The following GALNT11 variants were observed in gnomAD, a reference collection of about 807,000 sequenced individuals.
GALNT11 encodes the protein UDP-GalNAc:polypeptide N-acetylgalactosaminyltransferase 11.
In GALNT11, 47 loss-of-function variants were observed where a neutral mutation model predicts 72.7. That is an observed-to-expected ratio of 0.65 (90% CI 0.51 to 0.82). The LOEUF is 0.82. GALNT11 is among the 40% of genes least tolerant of loss of function. GALNT11 has a pLI of 0.00. For missense variants in GALNT11, 677 were observed against 778.4 expected (o/e 0.87, Z 1.55); for synonymous variants, 270 against 286.6 (o/e 0.94, Z 0.58).
intron 1 of GALNT11, among the ~76,000 whole-genome samples, chr7:152,088,314 T>G (rs2085784245): frequency 6.6e-6 from 1 of 152,182 alleles, no homozygotes; most frequent in Non-Finnish European, 1.5e-5. Flanking sequence ...ATTTCCCTAT[T>G]TTTCCTAGTT....
intron 5 of GALNT11, among the ~76,000 whole-genome samples, chr7:152,106,054 G>GTATTTAATGTATTTAATGTATTTCGACAA (rs1169284675): frequency 5.9e-4 from 90 of 152,166 alleles, no homozygotes; most frequent in South Asian, 1.7e-3. Flanking sequence ...TCGTTTTATG[G>GTATTTAATGTATTTAATGTATTTCGACAA]TTACCTATGT....
chr7:152,038,398 G>C (rs1202385869), intron 1 of GALNT11, among the ~76,000 whole-genome samples: 1 of 152,206 alleles, frequency 6.6e-6, no homozygotes, highest in Middle Eastern at 3.2e-3. Context: ...ATGTCCTTAA[G>C]GCCCAGATCG....
chr7:152,116,209 C>T (rs1272714099), intron 8 of GALNT11, among the ~76,000 whole-genome samples: 1 of 152,172 alleles, frequency 6.6e-6, no homozygotes, highest in Non-Finnish European at 1.5e-5. Flanking sequence ...GGTGGAAGAT[C>T]CATTCAGAGA....
chr7:152,067,525 G>A (rs920720551), intron 1 of GALNT11, among the ~76,000 whole-genome samples: 9 of 152,090 alleles, frequency 5.9e-5, no homozygotes, highest in Non-Finnish European at 1.3e-4. Flanking sequence ...TCACAGCTAC[G>A]GCTATTACGA....
chr7:152,061,432 C>A (rs1232394050), intron 1 of GALNT11, among the ~76,000 whole-genome samples: 2 of 152,156 alleles, frequency 1.3e-5, no homozygotes, highest in Non-Finnish European at 2.9e-5. Flanking sequence ...GTTGCCTGTT[C>A]ACTCTGATGG....
rs562860957 is a variant in GALNT11 at position 152,051,011 on chromosome 7, C to A, written c.-39+25127C>A. ...TGGGAGAGGGGTGGTGTCAGCAATT[C>A]ACGACTTTATCCTCTTCAGTGCCTC... On this transcript the variant is annotated intron_variant, in intron 1 of 11. Transcript: ENST00000430044. 5.3e-5 allele frequency among the ~76,000 whole-genome samples: 8 copies of A among 152,254 alleles called. No individual in the cohort carries two copies. The South Asian group carries it at 1.7e-3, about 32-fold the overall frequency.
At chr7:152,045,385 T>C (rs1300022108) in intron 1 of GALNT11, among the ~76,000 whole-genome samples, 2 of 152,210 alleles carry the variant, frequency 1.3e-5, no homozygotes, top group Non-Finnish European at 2.9e-5. Context: ...AAAAGTTTGA[T>C]AAAATTCAGC....
chr7:152,047,097 C>T (rs1433240502), intron 1 of GALNT11, among the ~76,000 whole-genome samples: 1 of 152,138 alleles, frequency 6.6e-6, no homozygotes, highest in African/African-American at 2.4e-5. Context: ...TACATGTTGG[C>T]CAGGTGCAGT....
intron 1 of GALNT11, among the ~76,000 whole-genome samples, chr7:152,078,776 G>A (rs2085138654): frequency 1.3e-5 from 2 of 152,242 alleles, no homozygotes; most frequent in African/African-American, 2.4e-5. Flanking sequence ...AATAATTTAT[G>A]TGCTAGAGTT....
At chr7:152,090,933 A>G (rs1182364949) in intron 1 of GALNT11, among the ~76,000 whole-genome samples, 1 of 152,160 alleles carries the variant, frequency 6.6e-6, no homozygotes, top group Non-Finnish European at 1.5e-5. Flanking sequence ...GAATTAAATC[A>G]TAAGGGAAGT....
intron 1 of GALNT11, among the ~76,000 whole-genome samples, chr7:152,059,062 A>T (rs1463022608): frequency 6.6e-6 from 1 of 152,176 alleles, no homozygotes. Context: ...TAAAAAAATA[A>T]ATGATATTTT....
intron 1 of GALNT11, among the ~76,000 whole-genome samples, chr7:152,035,949 G>C (rs113274075): frequency 0.015 from 2,288 of 152,166 alleles, 54 homozygotes; most frequent in African/African-American, 0.052. Context: ...ATCTTCAGGG[G>C]GTGTCTTCTG....
chr7:152,041,597 T>C (rs1489903132), intron 1 of GALNT11, among the ~76,000 whole-genome samples: 6 of 152,182 alleles, frequency 3.9e-5, no homozygotes, highest in Non-Finnish European at 8.8e-5. Flanking sequence ...AATTAGCAAA[T>C]CTAGAGTCTT....
intron 1 of GALNT11, among the ~76,000 whole-genome samples, chr7:152,066,052 A>C (rs959476607): frequency 7.9e-5 from 12 of 152,206 alleles, no homozygotes; most frequent in Non-Finnish European, 2.9e-5. Context: ...GAGTCTACAG[A>C]GGCAGGCAGG....
At position 152,061,851 on chromosome 7, in the gene GALNT11, A is replaced by G. The variant is rs375103894; in HGVS notation, c.-38-32339A>G. Among the ~76,000 whole-genome samples, 36 of 152,316 alleles carry G rather than the reference A, an allele frequency of 2.4e-4. No individual in the cohort carries two copies. The East Asian group carries it at 5.2e-3, about 22-fold the overall frequency. On this transcript the variant is annotated intron_variant, in intron 1 of 11. Transcript: ENST00000430044. ...TGGTCTATATCTCTGTTTTGGTACC[A>G]GTACCATGCTGTTTTGGTTACTGTA... is the stretch of plus-strand genomic sequence containing the variant.
At chr7:152,049,879 T>G (rs1172830122) in intron 1 of GALNT11, among the ~76,000 whole-genome samples, 2 of 152,120 alleles carry the variant, frequency 1.3e-5, no homozygotes, top group South Asian at 4.1e-4. Context: ...AGTCTCCCCC[T>G]TAGCTGCCAC....
chr7:152,042,771 G>A (rs1398000129), intron 1 of GALNT11, among the ~76,000 whole-genome samples: 1 of 152,074 alleles, frequency 6.6e-6, no homozygotes, highest in Non-Finnish European at 1.5e-5. Context: ...AAATTTATAG[G>A]TACAGAAGTT....
At position 152,120,437 on chromosome 7, in the gene GALNT11, C is replaced by T. The variant is rs1005570168; in HGVS notation, c.1558-394C>T. On this transcript the variant is annotated intron_variant, in intron 10 of 11. Transcript: ENST00000430044. Reference sequence around the variant, plus strand: ...CAGCCTGTGCACTTCCTGACTGCCCCGATGAGGCATCGACGAAAATGGCAG... The same window carrying T: ...CAGCCTGTGCACTTCCTGACTGCCCTGATGAGGCATCGACGAAAATGGCAG... 1.5e-5 allele frequency: 3 copies of T among 197,802 alleles called. No individual in the cohort carries two copies. The South Asian group carries it at 2.7e-4, about 18-fold the overall frequency. The allele number at this position is 197,802 out of a possible 1,614,324, so 12.3% of individuals were successfully genotyped here.
At chr7:152,070,831 C>A (rs960235078) in intron 1 of GALNT11, among the ~76,000 whole-genome samples, 3 of 152,020 alleles carry the variant, frequency 2.0e-5, no homozygotes, top group Admixed American at 1.3e-4. Flanking sequence ...AAGCGTAGGC[C>A]AGCTTGAGAA....
Sources: gnomAD v4.1 joint callset for allele counts (sites outside exome capture counted in the v4.1 genomes callset) on GRCh38, gnomAD v4.1.1 for gene constraint, MANE v1.5 for transcripts, NCBI Gene and HGNC (gene_info 2026-07-23, HGNC 2026-07-21) for gene names.